KSR2: variants seen among roughly 807,000 people sequenced by gnomAD.
KSR2 encodes the protein kinase suppressor of ras 2.
In KSR2, 25 loss-of-function variants were observed where a neutral mutation model predicts 107.8. That is an observed-to-expected ratio of 0.23 (90% CI 0.17 to 0.32). KSR2 has a LOEUF of 0.32. KSR2 is among the 10% of genes least tolerant of loss of function. The pLI is 1.00. For missense variants in KSR2, 887 were observed against 1,268.9 expected, an observed-to-expected ratio of 0.70 and a Z score of 4.57; for synonymous variants, 480 against 507.0, an observed-to-expected ratio of 0.95 and a Z score of 0.71.
intron 4 of KSR2, among the ~76,000 whole-genome samples, chr12:117,688,867 A>G (rs1409869965): frequency 6.6e-6 from 1 of 152,206 alleles, no homozygotes; most frequent in African/African-American, 2.4e-5. Context: ...GTCAAACTCT[A>G]GACACCCGGT....
intron 1 of KSR2, among the ~76,000 whole-genome samples, chr12:117,943,500 CAAAAAAAAAAA>C (rs35125662): frequency 1.9e-5 from 1 of 52,916 alleles, no homozygotes; most frequent in African/African-American, 8.1e-5. Flanking sequence ...TCCACCTAGC[CAAAAAAAAAAA>C]AAAAAAAAAA....
chr12:117,906,280 G>A (rs1209721186), intron 1 of KSR2, among the ~76,000 whole-genome samples: 2 of 150,786 alleles, frequency 1.3e-5, no homozygotes, highest in African/African-American at 4.9e-5. Flanking sequence ...TTGAACCTGG[G>A]AGGCAGAGGT....
chr12:117,860,618 C>T (rs1301386128), intron 1 of KSR2, among the ~76,000 whole-genome samples, 187 bp from the exon 2 acceptor site: 1 of 152,158 alleles, frequency 6.6e-6, no homozygotes, highest in African/African-American at 2.4e-5. Flanking sequence ...GTCAAACAGG[C>T]GGCTCTAGCA....
At chr12:117,651,757 A>G (rs1179037041) in intron 5 of KSR2, among the ~76,000 whole-genome samples, 7 of 152,240 alleles carry the variant, frequency 4.6e-5, no homozygotes, top group Non-Finnish European at 5.9e-5. Flanking sequence ...TACTCATCCC[A>G]GCTGGGAGGG....
chr12:117,704,637 C>T (rs1481315281), intron 4 of KSR2, among the ~76,000 whole-genome samples: 1 of 152,118 alleles, frequency 6.6e-6, no homozygotes, highest in East Asian at 1.9e-4. Context: ...GCAGGTGGAT[C>T]ACTTGAGGTC....
intron 14 of KSR2, among the ~76,000 whole-genome samples, chr12:117,495,816 A>G (rs990277679): frequency 6.6e-6 from 1 of 152,178 alleles, no homozygotes; most frequent in Non-Finnish European, 1.5e-5. Context: ...GAACTTTGGG[A>G]GGCCAAGGTG....
At chr12:117,474,240 A>AT (rs751007171) in intron 17 of KSR2, among the ~76,000 whole-genome samples, 5 of 151,608 alleles carry the variant, frequency 3.3e-5, no homozygotes, top group East Asian at 1.9e-4. Flanking sequence ...TGTTAATCAC[A>AT]TTTTTTTTTC....
chr12:117,628,288 T>C (rs2136362432), intron 5 of KSR2, among the ~76,000 whole-genome samples: 1 of 152,326 alleles, frequency 6.6e-6, no homozygotes. Context: ...CTCTGATTTT[T>C]AGAATTTTCA....
chr12:117,928,987 C>T (rs1047342045), intron 1 of KSR2, among the ~76,000 whole-genome samples: 1 of 152,158 alleles, frequency 6.6e-6, no homozygotes, highest in Admixed American at 6.6e-5. Flanking sequence ...GAAAACACTT[C>T]GCCTTAAGGC....
At chr12:117,652,491 A>G (rs777923136) in intron 5 of KSR2, among the ~76,000 whole-genome samples, 5 of 152,212 alleles carry the variant, frequency 3.3e-5, no homozygotes, top group Admixed American at 6.5e-5. Context: ...TGAATTATAA[A>G]AACAGAGAAT....
chr12:117,491,616 T>C (rs1487013637), intron 14 of KSR2, among the ~76,000 whole-genome samples: 1 of 152,238 alleles, frequency 6.6e-6, no homozygotes, highest in African/African-American at 2.4e-5. Context: ...TGCCACATTT[T>C]CTTGATCCAT....
Position 117,964,899 on chromosome 12 carries a change from G to A in KSR2, c.180+3177C>T, listed in dbSNP as rs114206721. ...AAATATCTTCTGACTATGTGCCATG[G>A]CTGCCATCGCTGGCTGTCCACTTAC... On this transcript the variant is annotated intron_variant, in intron 1 of 19. Transcript: ENST00000339824. Among the ~76,000 whole-genome samples, 845 of 152,246 alleles carry A rather than the reference G, an allele frequency of 5.6e-3. 8 individuals are homozygous for A. The highest frequency in any genetic ancestry group is 0.019 in the African/African-American group (788 of 41,546).
At chr12:117,905,422 G>A (rs17440070) in intron 1 of KSR2, among the ~76,000 whole-genome samples, 19,063 of 151,944 alleles carry the variant, frequency 0.13, 1,482 homozygotes, top group African/African-American at 0.21. Context: ...TGTTTTGCCC[G>A]CGGACTCCAC....
chr12:117,505,792 T>G (rs1375470253), intron 14 of KSR2, among the ~76,000 whole-genome samples: 1 of 152,200 alleles, frequency 6.6e-6, no homozygotes, highest in African/African-American at 2.4e-5. Flanking sequence ...CCTTCTTGCT[T>G]CTGTCTATGC....
intron 1 of KSR2, among the ~76,000 whole-genome samples, chr12:117,896,769 TTATAAA>T: frequency 6.6e-6 from 1 of 152,252 alleles, no homozygotes; most frequent in Middle Eastern, 3.4e-3. Context: ...CTGCACAACC[TTATAAA>T]TATATTCAAA....
chr12:117,572,492 G>A (rs1401283872), intron 7 of KSR2, among the ~76,000 whole-genome samples: 2 of 152,030 alleles, frequency 1.3e-5, no homozygotes, highest in Non-Finnish European at 2.9e-5. Flanking sequence ...TGAGCATCTC[G>A]AGGACAAGTT....
chr12:117,750,740 T>C (rs1242590165), intron 4 of KSR2, among the ~76,000 whole-genome samples: 1 of 152,128 alleles, frequency 6.6e-6, no homozygotes, highest in African/African-American at 2.4e-5. Flanking sequence ...CTCCCACTTA[T>C]AAGTGAGAAC....
intron 14 of KSR2, among the ~76,000 whole-genome samples, chr12:117,505,046 C>T (rs1319991311): frequency 6.6e-6 from 1 of 152,152 alleles, no homozygotes; most frequent in African/African-American, 2.4e-5. Context: ...TAATAATGGC[C>T]TCCAGCTTCA....
At chr12:117,484,989 AC>A (rs1465898572) in intron 15 of KSR2, among the ~76,000 whole-genome samples, 3 of 152,236 alleles carry the variant, frequency 2.0e-5, no homozygotes, top group Non-Finnish European at 4.4e-5. Flanking sequence ...CATTAAGAAC[AC>A]ACAGAAGAGT....
Sources: allele counts gnomAD v4.1 joint callset (sites outside exome capture counted in the v4.1 genomes callset), GRCh38; gene constraint gnomAD v4.1.1; transcripts MANE v1.5; gene names NCBI Gene and HGNC (gene_info 2026-07-23, HGNC 2026-07-21).